The following SRGAP2B variants were observed in gnomAD, a reference collection of about 807,000 sequenced individuals.
SRGAP2B encodes SLIT-ROBO Rho GTPase-activating protein 2B.
A neutral mutation model predicts 22.2 loss-of-function variants in SRGAP2B; 9 were observed. The ratio of observed to expected loss-of-function variants is 0.41; its 90% CI spans 0.24 to 0.71. The LOEUF is 0.71. Ranked by LOEUF, SRGAP2B falls within the 30% of genes least tolerant of loss-of-function variation. The pLI, the probability that SRGAP2B is intolerant of heterozygous loss-of-function variation, is 0.35. For missense variants in SRGAP2B, 114 were observed against 235.8 expected (o/e 0.48, Z 3.38); for synonymous variants, 36 against 87.4 (o/e 0.41, Z 3.28).
intron 2 of SRGAP2B, among the ~76,000 whole-genome samples, chr1:145,036,733 C>G (rs1207788120): frequency 1.3e-5 from 1 of 75,710 alleles, no homozygotes; most frequent in Non-Finnish European, 2.7e-5. Context: ...TTCTCTCAGC[C>G]TAACCTTGCT....
intron 2 of SRGAP2B, among the ~76,000 whole-genome samples, chr1:145,020,639 C>A (rs1377564599): frequency 6.8e-6 from 1 of 147,496 alleles, no homozygotes; most frequent in African/African-American, 2.7e-5. Context: ...ATTGTATTGA[C>A]TGAAATAAAG....
intron 2 of SRGAP2B, among the ~76,000 whole-genome samples, chr1:145,021,755 C>T (rs587696706): frequency 6.8e-6 from 1 of 148,076 alleles, no homozygotes; most frequent in Admixed American, 6.7e-5. Flanking sequence ...CAGAGGTTGC[C>T]GTGAGCCAAG....
At chr1:144,909,592 A>C (rs1404371422) in intron 5 of SRGAP2B, among the ~76,000 whole-genome samples, 1 of 83,960 alleles carries the variant, frequency 1.2e-5, no homozygotes, top group Non-Finnish European at 3.0e-5. Context: ...ATCTCAAAAA[A>C]AAAAAAAAGG....
chr1:145,021,667 A>G (rs1317455288), intron 2 of SRGAP2B, among the ~76,000 whole-genome samples: 2 of 147,594 alleles, frequency 1.4e-5, no homozygotes, highest in African/African-American at 5.2e-5. Flanking sequence ...TACAAAAATT[A>G]GCCGGGTGTG....
chr1:144,916,172 A>G (rs1299828573), intron 4 of SRGAP2B, among the ~76,000 whole-genome samples: 7 of 149,028 alleles, frequency 4.7e-5, no homozygotes, highest in African/African-American at 1.8e-4. Flanking sequence ...TTAAATTCCT[A>G]CCACTAAGAA....
intron 3 of SRGAP2B, among the ~76,000 whole-genome samples, chr1:144,984,362 C>CAAAAA (rs1340694809): frequency 3.6e-4 from 40 of 111,150 alleles, no homozygotes; most frequent in Non-Finnish European, 7.4e-4. Context: ...ACAACAACAA[C>CAAAAA]AACAAAAAAA....
At chr1:144,956,484 G>C (rs1570842799) in intron 3 of SRGAP2B, among the ~76,000 whole-genome samples, 1 of 84,822 alleles carries the variant, frequency 1.2e-5, no homozygotes, top group Admixed American at 2.0e-4. Context: ...GTCTCACTCT[G>C]TCACCCAGGC....
rs1377813722 is a variant in SRGAP2B at position 144,951,179 on chromosome 1, T to G, written c.423+4260A>C. On this transcript the variant is annotated intron_variant, in intron 4 of 9. Coordinates refer to ENST00000612199, the Ensembl canonical transcript of SRGAP2B. ...TTTGTTTTTTGTTTTTTGTTTTTTG[T>G]TTTTTTTTTTTAAACAGACAGGGTC... is the stretch of plus-strand genomic sequence containing the variant. 1.6e-4 allele frequency among the ~76,000 whole-genome samples: 23 copies of G among 143,964 alleles called. 3 individuals carry two copies. Among genetic ancestry groups the G allele is most frequent in the African/African-American group, 4.9e-4 (19 of 38,386 alleles). 94.4% of individuals were successfully genotyped at this position (143,964 alleles called of 152,430 possible). A position where few individuals can be genotyped will look rare whatever the true frequency, so the allele number is the denominator to read the frequency against.
At chr1:144,899,449 T>C in intron 7 of SRGAP2B, among the ~76,000 whole-genome samples, 1 of 116,198 alleles carries the variant, frequency 8.6e-6, no homozygotes. Flanking sequence ...ATGAGGTTGG[T>C]ATAATCTTAA....
At chr1:145,082,053 A>AAAACAAAC (rs879973166) in intron 2 of SRGAP2B, among the ~76,000 whole-genome samples, 2 of 137,958 alleles carry the variant, frequency 1.4e-5, no homozygotes, top group Non-Finnish European at 3.1e-5. Context: ...ATGGTTAAGA[A>AAAACAAAC]AAACAAACAA....
At position 145,076,377 on chromosome 1, in the gene SRGAP2B, G is replaced by A. The variant is rs186621022; in HGVS notation, c.67+16458C>T. On this transcript the variant is annotated intron_variant, in intron 2 of 9. Coordinates refer to ENST00000612199, the Ensembl canonical transcript of SRGAP2B. ...GTATACACAAAAATCTATAATGAATGTTCAGAGCAGCTTCATTCATAACAG... is the reference window on the plus strand; with the variant it reads ...GTATACACAAAAATCTATAATGAATATTCAGAGCAGCTTCATTCATAACAG... Among the ~76,000 whole-genome samples, 5 of 149,702 alleles carry A rather than the reference G, an allele frequency of 3.3e-5. No homozygotes were observed. In the East Asian group the frequency reaches 9.7e-4, roughly 29 times the overall value.
At chr1:144,994,759 T>TAAACAACTATA (rs1670539875) in intron 3 of SRGAP2B, among the ~76,000 whole-genome samples, 1 of 150,048 alleles carries the variant, frequency 6.7e-6, no homozygotes, top group Admixed American at 6.6e-5. Flanking sequence ...CTTAGTAGCA[T>TAAACAACTATA]GCCTGGCAAC....
intron 8 of SRGAP2B, among the ~76,000 whole-genome samples, chr1:144,894,046 C>G (rs1227876097): frequency 1.4e-5 from 2 of 144,852 alleles, no homozygotes; most frequent in African/African-American, 5.6e-5. Flanking sequence ...GCTTGAGGGC[C>G]CGAGAGGGTA....
intron 3 of SRGAP2B, among the ~76,000 whole-genome samples, chr1:144,976,542 C>G (rs1228030307): frequency 1.4e-5 from 2 of 143,440 alleles, no homozygotes; most frequent in African/African-American, 5.7e-5. Flanking sequence ...CTTCTAAATA[C>G]CATTTCCCAC....
At chr1:144,970,974 A>G (rs1309372223) in intron 3 of SRGAP2B, among the ~76,000 whole-genome samples, 1 of 150,058 alleles carries the variant, frequency 6.7e-6, no homozygotes, top group East Asian at 1.9e-4. Context: ...AATTATGACA[A>G]CTATCATTAC....
intron 2 of SRGAP2B, among the ~76,000 whole-genome samples, chr1:145,041,066 A>ATATGTG (rs1206228244): frequency 1.0e-5 from 1 of 97,624 alleles, no homozygotes; most frequent in Non-Finnish European, 1.9e-5. Flanking sequence ...TGTTGCATGT[A>ATATGTG]TATATATAGT....
At chr1:144,904,810 TC>T (rs1337077286) in intron 7 of SRGAP2B, among the ~76,000 whole-genome samples, 1 of 107,460 alleles carries the variant, frequency 9.3e-6, no homozygotes, top group Non-Finnish European at 1.7e-5. Context: ...AAATTTTGCC[TC>T]TGTCATTTGT....
intron 4 of SRGAP2B, chr1:144,919,994 T>C (rs1310870660): frequency 6.6e-6 from 1 of 150,834 alleles, no homozygotes; most frequent in Non-Finnish European, 1.5e-5. Flanking sequence ...TTAAGAGTGC[T>C]GACTGGTGCA....
intron 2 of SRGAP2B, among the ~76,000 whole-genome samples, chr1:145,068,142 G>A (rs1373285919): frequency 1.9e-5 from 1 of 53,026 alleles, no homozygotes; most frequent in Non-Finnish European, 3.4e-5. Flanking sequence ...GGTGGAGGTT[G>A]CAGTGAGCCG....
Sources: allele counts gnomAD v4.1 joint callset (sites outside exome capture counted in the v4.1 genomes callset), GRCh38; gene constraint gnomAD v4.1.1; transcripts MANE v1.5; gene names NCBI Gene and HGNC (gene_info 2026-07-23, HGNC 2026-07-21).